Variants in TENT2 observed in about 807,000 individuals in gnomAD.
The protein encoded by TENT2 is poly(A) RNA polymerase GLD2.
TENT2 carries 44 observed loss-of-function variants against 72.2 expected under a neutral mutation model. The observed-to-expected ratio is 0.61, with a 90% CI of 0.48 to 0.78. The LOEUF (loss-of-function observed/expected upper bound fraction) is 0.78, where lower values mean the gene tolerates loss of function less well. Ranked by LOEUF, TENT2 falls within the 30% of genes least tolerant of loss-of-function variation. TENT2 has a pLI of 0.00. For missense variants in TENT2, 541 were observed against 569.6 expected (o/e 0.95, Z 0.51); for synonymous variants, 212 against 192.5 (o/e 1.10, Z -0.84).
rs1310282427 is a variant in TENT2 at position 79,629,466 on chromosome 5, G to T, written c.465+5977G>T. 1.1e-4 allele frequency among the ~76,000 whole-genome samples: 16 copies of T among 152,266 alleles called. No individual in the cohort carries two copies. In the East Asian group the frequency reaches 2.5e-3, roughly 24 times the overall value. On this transcript the variant is annotated intron_variant, in intron 4 of 14. Transcript: ENST00000453514. ...GAGCTCTAGGCGTGGGAGATACACT[G>T]TTTTGCTAAACATACATGGTCTCTA...
chr5:79,627,421 C>T (rs900418325), intron 4 of TENT2, among the ~76,000 whole-genome samples: 7 of 152,148 alleles, frequency 4.6e-5, no homozygotes, highest in African/African-American at 1.7e-4. Flanking sequence ...GAAAGAGATA[C>T]TCCTAAATAT....
rs1015712516 is a variant in TENT2 at position 79,687,596 on chromosome 5, A to G, written c.*2323A>G. On this transcript the variant is annotated 3_prime_UTR_variant, in exon 15 of 15. Transcript: ENST00000453514. Reference sequence around the variant, plus strand: ...GTATTGTTTAGGGAATAATAATGACAAGACAAAAAGTCTATACCTGTTCGG... The same window carrying G: ...GTATTGTTTAGGGAATAATAATGACGAGACAAAAAGTCTATACCTGTTCGG... Among the ~76,000 whole-genome samples, 4 of 152,220 alleles carry G rather than the reference A, an allele frequency of 2.6e-5. No homozygotes were observed. The highest frequency in any genetic ancestry group is 5.9e-5 in the Non-Finnish European group (4 of 68,026).
intron 4 of TENT2, among the ~76,000 whole-genome samples, chr5:79,634,170 A>AC (rs1561487412): frequency 6.6e-6 from 1 of 151,328 alleles, no homozygotes; most frequent in African/African-American, 2.4e-5. Context: ...AAAAAAAAAA[A>AC]AAACTTTCTG....
rs552823539 is a variant in TENT2 at position 79,627,685 on chromosome 5, A to T, written c.465+4196A>T. ...TTTTTAGTAGAGATGGGGTTTTACC[A>T]TGTTGGTCAGGCTGGTCTCAAACTC... is the stretch of plus-strand genomic sequence containing the variant. On this transcript the variant is annotated intron_variant, in intron 4 of 14. Coordinates refer to ENST00000453514, the MANE Select transcript of TENT2 (RefSeq NM_001114394.3). 2.0e-4 allele frequency among the ~76,000 whole-genome samples: 31 copies of T among 152,038 alleles called. 1 individual carries two copies. Among genetic ancestry groups the T allele is most frequent in the Non-Finnish European group, 1.5e-5 (1 of 68,016 alleles).
chr5:79,636,805 T>C (rs987545008), intron 4 of TENT2, among the ~76,000 whole-genome samples: 1 of 152,196 alleles, frequency 6.6e-6, no homozygotes, highest in African/African-American at 2.4e-5. Context: ...ATCCTGCACA[T>C]CTCTTGGTAC....
chr5:79,651,591 C>T (rs1356140310), intron 10 of TENT2, among the ~76,000 whole-genome samples: 2 of 152,038 alleles, frequency 1.3e-5, no homozygotes, highest in Non-Finnish European at 2.9e-5. Context: ...TTTTGGCACA[C>T]ACACACACAT....
intron 4 of TENT2, among the ~76,000 whole-genome samples, chr5:79,639,849 A>C (rs2150384084): frequency 6.6e-6 from 1 of 152,312 alleles, no homozygotes; most frequent in African/African-American, 2.4e-5. Context: ...GGAGGAAATA[A>C]AAGTCCGGAA....
At position 79,669,003 on chromosome 5, in the gene TENT2, C is replaced by G. The variant is rs138147565; in HGVS notation, c.1183C>G (p.Leu395Val). ...CCTTGGGGACCTCTTACTGGGCTTT[C>G]TTAAATATTATGCTACAGAATTTGA... ...SNLGDLLLGF[L>V]KYYATEFDWN... The change falls in exon 12 of 15, where the codon CTT becomes GTT. Residue 395 changes from leucine (L) to valine (V), a missense_variant. By Grantham distance (32) the Leu-to-Val change is conservative (BLOSUM62 1). Transcript: ENST00000453514. 9 of 1,613,566 alleles carry G rather than the reference C, an allele frequency of 5.6e-6. No individual in the cohort carries two copies. In the African/African-American group the frequency reaches 1.2e-4, roughly 22 times the overall value.
chr5:79,647,952 C>CT (rs1790482608), intron 8 of TENT2, among the ~76,000 whole-genome samples: 1 of 152,150 alleles, frequency 6.6e-6, no homozygotes, highest in African/African-American at 2.4e-5. Flanking sequence ...ATTTACTAGC[C>CT]TTTTTAGAGG....
chr5:79,681,994 GA>G lies in TENT2; in HGVS notation c.1315del (p.Thr439GlnfsTer15). ...KYICVEEPFDGTNTARAVHEK... is the reference protein window; with the variant it reads ...KYICVEEPFDXTNTARAVHEK... ...TTTAACATTGCAGAACCTTTTGATG[GA>G]ACAAATACAGCCAGAGCAGTGCACG... On this transcript the variant is annotated frameshift_variant, in exon 14 of 15. Transcript: ENST00000453514. LOFTEE classifies it high-confidence loss of function. 1 of 1,612,452 alleles carries G rather than the reference GA, an allele frequency of 6.2e-7. No homozygotes were observed. Among genetic ancestry groups the G allele is most frequent in the Non-Finnish European group, 8.5e-7 (1 of 1,179,362 alleles).
At position 79,681,809 on chromosome 5, in the gene TENT2, A is replaced by T; in HGVS notation, c.1301-173A>T. The T allele has an allele frequency of 7.4e-6, 4 of 538,232 alleles. No homozygotes were observed. In the South Asian group the frequency reaches 7.4e-5, roughly 10 times the overall value. 33.3% of individuals were successfully genotyped at this position (538,232 alleles called of 1,614,324 possible). A position where few individuals can be genotyped will look rare whatever the true frequency, so the allele number is the denominator to read the frequency against. On this transcript the variant is annotated intron_variant, in intron 13 of 14. Transcript: ENST00000453514. ...TCTACCTTATTAGGCAGTTCATAGTATATCAAGCTTTTCTGTATACATAAA... is the reference window on the plus strand; with the variant it reads ...TCTACCTTATTAGGCAGTTCATAGTTTATCAAGCTTTTCTGTATACATAAA...
chr5:79,629,869 C>G (rs1266599520), intron 4 of TENT2, among the ~76,000 whole-genome samples: 1 of 151,646 alleles, frequency 6.6e-6, no homozygotes, highest in Non-Finnish European at 1.5e-5. Flanking sequence ...CACAGTGGCT[C>G]ACGCCTGTAA....
chr5:79,649,059 C>G lies in TENT2; in HGVS notation c.899-3C>G. ...CCATGTTAAGTTTTAATTTTACTTT[C>G]AGTTGAAAATCGAGTTCGTCCGTTA... On this transcript the variant is annotated splice_polypyrimidine_tract_variant and splice_region_variant and intron_variant, in intron 9 of 14. Transcript: ENST00000453514. The G allele has an allele frequency of 1.2e-6, 2 of 1,612,446 alleles. No individual in the cohort carries two copies. Among genetic ancestry groups the G allele is most frequent in the South Asian group, 1.1e-5 (1 of 91,014 alleles).
chr5:79,683,369 G>A (rs904807387), intron 14 of TENT2, among the ~76,000 whole-genome samples: 1 of 151,774 alleles, frequency 6.6e-6, no homozygotes, highest in African/African-American at 2.4e-5. Context: ...CCACCCCTGG[G>A]TGTAGTGGTA....
In TENT2 at chr5:79,623,347, C is replaced by T; in HGVS notation, c.323C>T (p.Pro108Leu). ...CCAACTGTAGTTAACCAGATAGTGC[C>T]TTTATCAGGTGAACGAAGATACTCA... ...QEPTVVNQIV[P>L]LSGERRYSMP... Residue 108 changes from proline to leucine, a missense_variant, in exon 4 of 15, where the codon CCT (proline) becomes CTT (leucine). Coordinates refer to ENST00000453514, the MANE Select transcript of TENT2 (RefSeq NM_001114394.3). The T allele has an allele frequency of 6.2e-7, 1 of 1,613,594 alleles. No individual in the cohort carries two copies.
chr5:79,646,794 G>T (rs1789426306), intron 8 of TENT2, among the ~76,000 whole-genome samples: 1 of 148,720 alleles, frequency 6.7e-6, no homozygotes, highest in Admixed American at 6.7e-5. Flanking sequence ...TAAGAGACAG[G>T]GTTTTACCAT....
intron 4 of TENT2, among the ~76,000 whole-genome samples, chr5:79,639,477 G>T (rs199569042): frequency 5.5e-5 from 8 of 145,252 alleles, no homozygotes; most frequent in South Asian, 2.2e-4. Context: ...AGTGAAGGTG[G>T]TTTTTTTTTT....
At position 79,648,651 on chromosome 5, in the gene TENT2, G is replaced by A. The variant is rs1163097282; in HGVS notation, c.856G>A (p.Val286Ile). The A allele has an allele frequency of 2.5e-6, 4 of 1,595,700 alleles. No individual in the cohort carries two copies. The African/African-American group carries it at 5.4e-5, about 22-fold the overall frequency. ...GTTTGACTTGAATGTAAACAATATT[G>A]TTGGAATAAGAAACACATTCCTTCT... ...VEFDLNVNNI[V>I]GIRNTFLLRT... The change falls in exon 9 of 15, where the codon GTT becomes ATT. Residue 286 changes from valine to isoleucine, a missense_variant. Physicochemically the swap from Val to Ile is conservative, Grantham distance 29. Coordinates refer to ENST00000453514, the MANE Select transcript of TENT2 (RefSeq NM_001114394.3).
intron 12 of TENT2, among the ~76,000 whole-genome samples, chr5:79,669,891 G>C (rs2150676162): frequency 6.6e-6 from 1 of 152,170 alleles, no homozygotes; most frequent in Non-Finnish European, 1.5e-5. Context: ...GTGAAGCATA[G>C]AGAGAGGGGA....
Sources: allele counts gnomAD v4.1 joint callset (sites outside exome capture counted in the v4.1 genomes callset), GRCh38; gene constraint gnomAD v4.1.1; transcripts MANE v1.5; gene names NCBI Gene and HGNC (gene_info 2026-07-23, HGNC 2026-07-21).